KCNQ1: variants seen among roughly 807,000 people sequenced by gnomAD.
The protein encoded by KCNQ1 is potassium voltage-gated channel subfamily Q member 1.
Under a neutral mutation model 72.4 loss-of-function variants are expected in KCNQ1, and 49 were observed. The observed-to-expected ratio is 0.68, with a 90% CI of 0.54 to 0.86. The LOEUF (loss-of-function observed/expected upper bound fraction) is 0.86. Ranked by LOEUF, KCNQ1 falls within the 40% of genes least tolerant of loss-of-function variation. KCNQ1 has a pLI of 0.00. For missense variants in KCNQ1, 790 were observed against 945.1 expected (o/e 0.84, Z 2.15); for synonymous variants, 450 against 412.6 (o/e 1.09, Z -1.10).
intron 13 of KCNQ1, 142 bp from the exon 14 acceptor site, chr11:2,776,844 C>A: frequency 1.2e-6 from 1 of 805,390 alleles, no homozygotes; most frequent in Non-Finnish European, 2.1e-6. Flanking sequence ...ACCTGGCAGG[C>A]CTTAGGGTCG....
In KCNQ1 at chr11:2,734,811, C is replaced by T. The variant is rs921322227; in HGVS notation, c.1515-34033C>T. Reference sequence around the variant, plus strand: ...GGATGGGCCTCCTGCCTCCTCCAGCCTCAGTTTCCCCCACTGTGAAATAGG... The same window carrying T: ...GGATGGGCCTCCTGCCTCCTCCAGCTTCAGTTTCCCCCACTGTGAAATAGG... On this transcript the variant is annotated intron_variant, in intron 11 of 15. Transcript: ENST00000155840. The surrounding 1 kb of genome is among the most constrained non-coding windows in gnomAD (Gnocchi z 7.0). 6.6e-6 allele frequency among the ~76,000 whole-genome samples: 1 copy of T among 152,052 alleles called. No individual in the cohort carries two copies. The highest frequency in any genetic ancestry group is 2.4e-5 in the African/African-American group (1 of 41,400).
intron 10 of KCNQ1, among the ~76,000 whole-genome samples, chr11:2,596,461 G>T (rs1834426295): frequency 6.6e-6 from 1 of 152,020 alleles, no homozygotes; most frequent in South Asian, 2.1e-4. Context: ...CATTTGAATA[G>T]ATTTTTTTCA....
intron 10 of KCNQ1, chr11:2,635,521 G>T (rs1849449256): frequency 6.6e-6 from 1 of 152,168 alleles, no homozygotes; most frequent in Non-Finnish European, 1.5e-5. Flanking sequence ...TGAGGGCTCT[G>T]TTCTGTTCCA....
At chr11:2,456,871 G>A (rs1464883239) in intron 1 of KCNQ1, among the ~76,000 whole-genome samples, 5 of 147,660 alleles carry the variant, frequency 3.4e-5, no homozygotes, top group East Asian at 2.0e-4. Flanking sequence ...CCCAGGAGAC[G>A]GAGCTTGCAG....
chr11:2,763,768 C>T (rs986345768), intron 11 of KCNQ1, among the ~76,000 whole-genome samples: 1 of 152,032 alleles, frequency 6.6e-6, no homozygotes, highest in Non-Finnish European at 1.5e-5. Flanking sequence ...CACTATGTTG[C>T]CCAGGCTGAT....
chr11:2,533,442 C>T lies in KCNQ1; in HGVS notation c.477+5424C>T, dbSNP rs541050116. Among the ~76,000 whole-genome samples, 23 of 152,318 alleles carry T rather than the reference C, an allele frequency of 1.5e-4. No homozygotes were observed. The East Asian group carries it at 4.4e-3, about 29-fold the overall frequency. ...GCCACTTCCTGGGCTGCAAAGAGGGCCCCAACCTGGCTTCTGAATTCAGAG... is the reference window on the plus strand; with the variant it reads ...GCCACTTCCTGGGCTGCAAAGAGGGTCCCAACCTGGCTTCTGAATTCAGAG... On this transcript the variant is annotated intron_variant, in intron 2 of 15. Transcript: ENST00000155840.
intron 7 of KCNQ1, among the ~76,000 whole-genome samples, chr11:2,584,682 T>A (rs1046468289): frequency 6.6e-6 from 1 of 151,538 alleles, no homozygotes; most frequent in Non-Finnish European, 1.5e-5. Context: ...AGTGTTTGTG[T>A]GTGTGTCAGT....
chr11:2,600,078 T>C lies in KCNQ1; in HGVS notation c.1393+11224T>C, dbSNP rs1369506185. 6.6e-6 allele frequency among the ~76,000 whole-genome samples: 1 copy of C among 152,190 alleles called. No homozygotes were observed. Among genetic ancestry groups the C allele is most frequent in the East Asian group, 1.9e-4 (1 of 5,196 alleles). On this transcript the variant is annotated intron_variant, in intron 10 of 15. Transcript: ENST00000155840. The surrounding 1 kb of genome is among the most constrained non-coding windows in gnomAD (Gnocchi z 5.6). ...GCCCACCAGTCCTGGCAGAGTGACT[T>C]ATTGTCAGCCAAGTGGGGCAGAGTT... is the stretch of plus-strand genomic sequence containing the variant.
chr11:2,612,002 G>A lies in KCNQ1; in HGVS notation c.1393+23148G>A. The A allele has an allele frequency of 5.0e-6, 2 of 398,598 alleles. No individual in the cohort carries two copies. The highest frequency in any genetic ancestry group is 8.8e-6 in the Non-Finnish European group (2 of 226,058). The allele number at this position is 398,598 out of a possible 1,614,324, so 24.7% of individuals were successfully genotyped here. On this transcript the variant is annotated intron_variant, in intron 10 of 15. Coordinates refer to ENST00000155840, the MANE Select transcript of KCNQ1 (RefSeq NM_000218.3). The surrounding 1 kb of genome is among the most constrained non-coding windows in gnomAD (Gnocchi z 5.5). ...TCTCAGTACTCTTATTAACACATATGTTGTTACTCCTTAATTCCACATATG... is the reference window on the plus strand; with the variant it reads ...TCTCAGTACTCTTATTAACACATATATTGTTACTCCTTAATTCCACATATG...
rs1055664042 is a variant in KCNQ1, at chr11:2,481,471, C to T, written c.386+35987C>T. 6.6e-5 allele frequency among the ~76,000 whole-genome samples: 10 copies of T among 152,110 alleles called. No individual in the cohort carries two copies. In the East Asian group the frequency reaches 7.7e-4, roughly 12 times the overall value. On this transcript the variant is annotated intron_variant, in intron 1 of 15. Transcript: ENST00000155840. This position sits in a 1 kb window ranked among gnomAD's most constrained non-coding sequence, Gnocchi z 4.6. ...CACGTCTACAGCTAGGCTGCTTCCC[C>T]GAGGCTGTGTGGCCATCAGCCAGGC...
chr11:2,661,935 G>A lies in KCNQ1; in HGVS notation c.1394-26G>A, dbSNP rs749956246. 36 of 1,613,950 alleles carry A rather than the reference G, an allele frequency of 2.2e-5. No individual in the cohort carries two copies. The highest frequency in any genetic ancestry group is 1.1e-4 in the East Asian group (5 of 44,884). On this transcript the variant is annotated intron_variant, in intron 10 of 15. Coordinates refer to ENST00000155840, the MANE Select transcript of KCNQ1 (RefSeq NM_000218.3). This position sits in a 1 kb window ranked among gnomAD's most constrained non-coding sequence, Gnocchi z 5.9. ...TGGCAGGTTGGGTGGGAGGCCTAAC[G>A]TGCTGTCCCCACACTTTCTCCTCAG...
At chr11:2,609,866 T>C (rs964542153) in intron 10 of KCNQ1, 2 of 398,076 alleles carry the variant, frequency 5.0e-6, no homozygotes, top group Non-Finnish European at 8.9e-6. Flanking sequence ...TTACATGATA[T>C]ATCTTTTTCC....
intron 2 of KCNQ1, among the ~76,000 whole-genome samples, chr11:2,569,031 G>A (rs561564514): frequency 4.6e-5 from 7 of 152,024 alleles, no homozygotes; most frequent in Non-Finnish European, 5.9e-5. Context: ...ATTACAGGGC[G>A]TGCGCCACCA....
intron 8 of KCNQ1, 54 bp downstream of exon 8, chr11:2,585,361 C>T (rs1206064027): frequency 2.0e-6 from 3 of 1,495,250 alleles, no homozygotes; most frequent in Admixed American, 1.7e-5. Context: ...GTTATTGTTG[C>T]ATCCAGCCCT....
At chr11:2,607,617 C>T (rs1185869442) in intron 10 of KCNQ1, among the ~76,000 whole-genome samples, 2 of 152,310 alleles carry the variant, frequency 1.3e-5, no homozygotes, top group Admixed American at 6.5e-5. Flanking sequence ...TGACCTTGGA[C>T]TTCCAAGCCT....
chr11:2,761,892 G>A (rs1474145945), intron 11 of KCNQ1, among the ~76,000 whole-genome samples: 1 of 152,270 alleles, frequency 6.6e-6, no homozygotes, highest in African/African-American at 2.4e-5. Flanking sequence ...CAGGAGGGGA[G>A]GCCCGCAGCA....
rs1007425662 is a variant in KCNQ1 at position 2,745,624 on chromosome 11, C to T, written c.1515-23220C>T. On this transcript the variant is annotated intron_variant, in intron 11 of 15. Transcript: ENST00000155840. The surrounding 1 kb of genome is among the most constrained non-coding windows in gnomAD (Gnocchi z 6.2). ...TGTTCTTGCCTCATGTCTTCAGGTG[C>T]GGGGCTGGCAGAGGCTGGGGTTACC... is the stretch of plus-strand genomic sequence containing the variant. Among the ~76,000 whole-genome samples, 5 of 152,214 alleles carry T rather than the reference C, an allele frequency of 3.3e-5. No homozygotes were observed. The highest frequency in any genetic ancestry group is 7.2e-5 in the African/African-American group (3 of 41,452).
chr11:2,837,058 G>A (rs1848080094), intron 15 of KCNQ1, among the ~76,000 whole-genome samples: 1 of 152,302 alleles, frequency 6.6e-6, no homozygotes, highest in Non-Finnish European at 1.5e-5. Context: ...CACGGGGCAT[G>A]GCAGCCCTCT....
chr11:2,530,737 GTGAA>G (rs1564808038), intron 2 of KCNQ1, among the ~76,000 whole-genome samples: 2 of 152,214 alleles, frequency 1.3e-5, no homozygotes, highest in African/African-American at 4.8e-5. Context: ...GTGTACATGT[GTGAA>G]TGTGGCCACA....
Sources: allele counts gnomAD v4.1 joint callset (sites outside exome capture counted in the v4.1 genomes callset), GRCh38; gene constraint gnomAD v4.1.1; non-coding constraint Gnocchi (gnomAD v3.1); transcripts MANE v1.5; gene names NCBI Gene and HGNC (gene_info 2026-07-23, HGNC 2026-07-21).